PRIM2: variants seen among roughly 807,000 people sequenced by gnomAD.
The protein encoded by PRIM2 is DNA primase subunit 2.
A neutral mutation model predicts 67.3 loss-of-function variants in PRIM2; 39 were observed. That is an observed-to-expected ratio of 0.58 (90% CI 0.45 to 0.76). The LOEUF is 0.76. Ranked by LOEUF, PRIM2 falls within the 30% of genes least tolerant of loss-of-function variation. The pLI, the probability that PRIM2 is intolerant of heterozygous loss-of-function variation, is 0.00. For synonymous variants in PRIM2, 143 were observed against 198.7 expected (o/e 0.72, Z 2.36); for missense variants, 398 against 598.7 (o/e 0.66, Z 3.50).
At chr6:57,296,452 TAAAAG>T in the PRIM2 span, among the ~76,000 whole-genome samples, 1 of 151,874 alleles carries the variant, frequency 6.6e-6, no homozygotes, top group Admixed American at 6.6e-5. Flanking sequence ...AATGAATAAA[TAAAAG>T]GAAAGGGAGA....
intron 10 of PRIM2, among the ~76,000 whole-genome samples, chr6:57,564,363 G>A (rs1432299965): frequency 6.6e-6 from 1 of 152,170 alleles, no homozygotes; most frequent in Admixed American, 6.5e-5. Context: ...CCTTGTATGT[G>A]TATGTGTTCC....
intron 7 of PRIM2, among the ~76,000 whole-genome samples, chr6:57,416,513 T>C (rs1371463478): frequency 5.9e-5 from 9 of 152,338 alleles, no homozygotes; most frequent in African/African-American, 1.7e-4. Context: ...CATTAGCCCC[T>C]AACAAGGGAA....
chr6:57,457,436 C>T (rs1772835736), intron 7 of PRIM2, among the ~76,000 whole-genome samples: 1 of 152,164 alleles, frequency 6.6e-6, no homozygotes, highest in South Asian at 2.1e-4. Flanking sequence ...AGGGCTCCAC[C>T]CAGATGGAGC....
chr6:57,311,621 C>CG (rs1239316744), upstream of PRIM2, among the ~76,000 whole-genome samples: 2 of 152,170 alleles, frequency 1.3e-5, no homozygotes, highest in East Asian at 3.9e-4. Flanking sequence ...ACTTCCTAGA[C>CG]GGGGTGACCG....
intron 7 of PRIM2, among the ~76,000 whole-genome samples, chr6:57,500,041 C>T (rs1774098950): frequency 6.6e-6 from 1 of 152,168 alleles, no homozygotes; most frequent in Non-Finnish European, 1.5e-5. Context: ...CATTTCCCAC[C>T]TTCCTCTTCT....
chr6:57,415,761 C>T (rs1771240461), intron 7 of PRIM2, among the ~76,000 whole-genome samples: 1 of 152,230 alleles, frequency 6.6e-6, no homozygotes. Context: ...ATAGCATCTT[C>T]ACCAGGAGTA....
At chr6:57,493,631 A>C (rs1773944051) in intron 7 of PRIM2, among the ~76,000 whole-genome samples, 2 of 152,204 alleles carry the variant, frequency 1.3e-5, no homozygotes, top group African/African-American at 4.8e-5. Flanking sequence ...CATTCAAAAC[A>C]TTTTACTAAA....
intron 10 of PRIM2, among the ~76,000 whole-genome samples, chr6:57,595,822 C>T (rs1326964948): frequency 2.0e-5 from 3 of 151,992 alleles, no homozygotes. Context: ...CTTTCTAAAC[C>T]CTGTAGTTTA....
chr6:57,413,351 CT>C (rs1290809685), intron 7 of PRIM2, among the ~76,000 whole-genome samples: 1 of 151,760 alleles, frequency 6.6e-6, no homozygotes, highest in African/African-American at 2.4e-5. Context: ...TGGTATATAA[CT>C]TTTCCATAGT....
chr6:57,308,852 G>GTTTAT, the PRIM2 span, among the ~76,000 whole-genome samples: 1 of 150,420 alleles, frequency 6.6e-6, no homozygotes, highest in African/African-American at 2.4e-5. Context: ...CTTTTCTACT[G>GTTTAT]TTTATTTTAT....
At chr6:57,612,792 C>T in intron 12 of PRIM2, among the ~76,000 whole-genome samples, 1 of 129,786 alleles carries the variant, frequency 7.7e-6, no homozygotes, top group African/African-American at 3.0e-5. Flanking sequence ...TTTCTTTTCG[C>T]CTTTTTTTTT....
At chr6:57,549,879 A>G (rs1181831741) in intron 10 of PRIM2, among the ~76,000 whole-genome samples, 1 of 152,122 alleles carries the variant, frequency 6.6e-6, no homozygotes, top group African/African-American at 2.4e-5. Context: ...TGAGGTCGGG[A>G]GTTTGAGACC....
intron 5 of PRIM2, chr6:57,326,447 G>C (rs1181911740): frequency 6.3e-6 from 1 of 158,186 alleles, no homozygotes; most frequent in Non-Finnish European, 1.4e-5. Context: ...CAGGCGGGGC[G>C]TGGTGCCTCA....
chr6:57,563,839 T>G (rs1270489593), intron 10 of PRIM2, among the ~76,000 whole-genome samples: 13,303 of 152,218 alleles, frequency 0.087, 721 homozygotes, highest in Middle Eastern at 0.15. Flanking sequence ...TTTTGTATTT[T>G]TAGTAGAGAC....
chr6:57,320,522 T>G lies in PRIM2; in HGVS notation c.220T>G (p.Leu74Val), dbSNP rs777630854. Residue 74 changes from leucine (L) to valine (V), a missense_variant, in exon 3 of 14, where the codon TTG becomes GTG. This residue lies in a region of PRIM2 where 96 missense variants were observed against 98.3 expected (regional missense o/e 0.98). Transcript: ENST00000615550. ...VKGTEQYQSK[L>V]ESELRKLKFS... ...AGGAACTGAACAATACCAGAGTAAGTTGGAGAGTGAGCTTCGGAAGCTCAA... is the reference window on the plus strand; with the variant it reads ...AGGAACTGAACAATACCAGAGTAAGGTGGAGAGTGAGCTTCGGAAGCTCAA... 2 of 1,609,888 alleles carry G rather than the reference T, an allele frequency of 1.2e-6. No individual in the cohort carries two copies. Among genetic ancestry groups the G allele is most frequent in the Non-Finnish European group, 1.7e-6 (2 of 1,178,938 alleles).
At position 57,621,373 on chromosome 6, in the gene PRIM2, C is replaced by T. The variant is rs1181039890; in HGVS notation, c.1231-10760C>T. ...TGGCCTCATGATGTCTTAAAGGTTCCGCCTCTTAATACTAGCAGATTTGCA... is the reference window on the plus strand; with the variant it reads ...TGGCCTCATGATGTCTTAAAGGTTCTGCCTCTTAATACTAGCAGATTTGCA... On this transcript the variant is annotated intron_variant, in intron 12 of 13. Coordinates refer to ENST00000615550, the MANE Select transcript of PRIM2 (RefSeq NM_000947.5). Among the ~76,000 whole-genome samples the T allele has an allele frequency of 5.9e-5, 9 of 152,178 alleles. No homozygotes were observed. The South Asian group carries it at 6.2e-4, about 11-fold the overall frequency.
At chr6:57,424,783 A>ATTT (rs1771567206) in intron 7 of PRIM2, among the ~76,000 whole-genome samples, 1 of 152,206 alleles carries the variant, frequency 6.6e-6, no homozygotes, top group Admixed American at 6.5e-5. Context: ...AGCTAGAAAT[A>ATTT]TTTTTTGATC....
intron 7 of PRIM2, among the ~76,000 whole-genome samples, chr6:57,420,254 C>T (rs911020413): frequency 1.3e-5 from 2 of 152,124 alleles, no homozygotes; most frequent in African/African-American, 4.8e-5. Context: ...CCTGTAATCT[C>T]AGCACTTTGG....
intron 5 of PRIM2, among the ~76,000 whole-genome samples, chr6:57,357,007 C>T (rs1456950878): frequency 6.8e-6 from 1 of 148,128 alleles, no homozygotes; most frequent in Non-Finnish European, 1.5e-5. Context: ...AATCTCAGCT[C>T]ACTGCAACCT....
Sources: allele counts gnomAD v4.1 joint callset (sites outside exome capture counted in the v4.1 genomes callset), GRCh38; gene constraint gnomAD v4.1.1; regional missense constraint gnomAD v4.1.1; transcripts MANE v1.5; gene names NCBI Gene and HGNC (gene_info 2026-07-23, HGNC 2026-07-21).